The following UNC5A variants were observed in gnomAD, a reference collection of about 807,000 sequenced individuals.
UNC5A encodes unc-5 netrin receptor A.
A neutral mutation model predicts 87.4 loss-of-function variants in UNC5A; 20 were observed. The ratio of observed to expected loss-of-function variants is 0.23; its 90% CI spans 0.16 to 0.33. UNC5A has a LOEUF of 0.33. UNC5A is among the 10% of genes least tolerant of loss of function. UNC5A has a pLI of 1.00. For synonymous variants in UNC5A, 438 were observed against 482.3 expected (o/e 0.91, Z 1.20); for missense variants, 844 against 1,133.4 (o/e 0.74, Z 3.67).
chr5:176,827,915 G>A (rs1238529694), intron 1 of UNC5A, among the ~76,000 whole-genome samples: 2 of 147,996 alleles, frequency 1.4e-5, no homozygotes, highest in East Asian at 2.0e-4. Context: ...TGTAGGTCTC[G>A]TGGTTCAAGA....
At position 176,866,114 on chromosome 5, in the gene UNC5A, G is replaced by A. The variant is rs773233962; in HGVS notation, c.293-2016G>A. On this transcript the variant is annotated intron_variant, in intron 2 of 14. Transcript: ENST00000329542. The surrounding 1 kb of genome is among the most constrained non-coding windows in gnomAD (Gnocchi z 5.0). ...CACACACACCCGCCCAGGCCCACTG[G>A]CCCGGGGTCCCTCCCCAGGGCTGGC... is the stretch of plus-strand genomic sequence containing the variant. Among the ~76,000 whole-genome samples, 2 of 152,182 alleles carry A rather than the reference G, an allele frequency of 1.3e-5. No individual in the cohort carries two copies. Among genetic ancestry groups the A allele is most frequent in the African/African-American group, 4.8e-5 (2 of 41,440 alleles).
chr5:176,830,651 T>G (rs11738305), intron 1 of UNC5A, among the ~76,000 whole-genome samples: 1 of 120,574 alleles, frequency 8.3e-6, no homozygotes, highest in African/African-American at 3.6e-5. Flanking sequence ...CGTGTGCATT[T>G]GTGTGTGTGT....
At chr5:176,816,577 G>A (rs1756593435) in intron 1 of UNC5A, among the ~76,000 whole-genome samples, 1 of 152,282 alleles carries the variant, frequency 6.6e-6, no homozygotes, top group South Asian at 2.1e-4. Context: ...GGCCAGGCAG[G>A]TGCCTAGGCA....
intron 1 of UNC5A, among the ~76,000 whole-genome samples, chr5:176,814,112 C>A (rs73340025): frequency 1.3e-5 from 2 of 152,154 alleles, no homozygotes; most frequent in African/African-American, 4.8e-5. Context: ...TTGTCTTCCT[C>A]CACTCCTTTC....
rs192153834 is a variant in UNC5A at position 176,833,749 on chromosome 5, G to A, written c.70+22929G>A. 6.9e-4 allele frequency among the ~76,000 whole-genome samples: 98 copies of A among 142,560 alleles called. 1 individual carries two copies. The highest frequency in any genetic ancestry group is 3.9e-3 in the Middle Eastern group (1 of 254). 93.5% of individuals were successfully genotyped at this position (142,560 alleles called of 152,430 possible). A position where few individuals can be genotyped will look rare whatever the true frequency, so the allele number is the denominator to read the frequency against. Reference sequence around the variant, plus strand: ...TTTTGAGACGGAGTCTTGCTCTGTCGCCAGGCTGGAGTGCAGTGGTGCGGT... The same window carrying A: ...TTTTGAGACGGAGTCTTGCTCTGTCACCAGGCTGGAGTGCAGTGGTGCGGT... On this transcript the variant is annotated intron_variant, in intron 1 of 14. Coordinates refer to ENST00000329542, the MANE Select transcript of UNC5A (RefSeq NM_133369.3).
At chr5:176,877,839 C>T in intron 10 of UNC5A, 55 bp from the exon 11 acceptor site, 2 of 1,540,330 alleles carry the variant, frequency 1.3e-6, no homozygotes, top group East Asian at 4.7e-5. Flanking sequence ...GAAGCCACAG[C>T]TGGCCCTAGG....
chr5:176,876,177 G>C (rs1758258142), intron 8 of UNC5A, among the ~76,000 whole-genome samples: 1 of 152,230 alleles, frequency 6.6e-6, no homozygotes, highest in Non-Finnish European at 1.5e-5. Context: ...GGATGTAAGT[G>C]CGTGTACCTT....
At chr5:176,863,354 G>C (rs1757889384) in intron 2 of UNC5A, among the ~76,000 whole-genome samples, 1 of 152,204 alleles carries the variant, frequency 6.6e-6, no homozygotes, top group African/African-American at 2.4e-5. Flanking sequence ...CAGCAGTGAG[G>C]GTGAGGGTGT....
intron 1 of UNC5A, among the ~76,000 whole-genome samples, chr5:176,861,814 C>T (rs570362819): frequency 7.1e-5 from 2 of 28,128 alleles, no homozygotes; most frequent in South Asian, 1.8e-3. Flanking sequence ...GGGATCACTG[C>T]AGCCCCAGGG....
At position 176,868,565 on chromosome 5, in the gene UNC5A, G is replaced by A. The variant is rs1275303326; in HGVS notation, c.441G>A (p.Leu147=). 1.2e-6 allele frequency: 2 copies of A among 1,600,446 alleles called. No homozygotes were observed. The highest frequency in any genetic ancestry group is 3.5e-5 in the Admixed American group (2 of 57,562). ...SQKAYIRIAY[L]RKNFEQEPLA... ...ACACTCTCATTCCTCTTCTAGATTTGCGCAAGAACTTCGAGCAGGAGCCGC... is the reference window on the plus strand; with the variant it reads ...ACACTCTCATTCCTCTTCTAGATTTACGCAAGAACTTCGAGCAGGAGCCGC... Residue 147 remains leucine (L), a synonymous_variant, in exon 4 of 15, where the codon TTG becomes TTA. Transcript: ENST00000329542.
At chr5:176,833,716 T>TC (rs928440832) in intron 1 of UNC5A, among the ~76,000 whole-genome samples, 1 of 150,370 alleles carries the variant, frequency 6.7e-6, no homozygotes, top group African/African-American at 2.4e-5. Context: ...TTTCTTTCTT[T>TC]TTTTTTTTTT....
chr5:176,827,428 C>G (rs1430896569), intron 1 of UNC5A, among the ~76,000 whole-genome samples: 1 of 152,046 alleles, frequency 6.6e-6, no homozygotes, highest in Non-Finnish European at 1.5e-5. Flanking sequence ...AATAATCCAC[C>G]CACCTCGGCC....
At chr5:176,879,518 C>T (rs769635906) in intron 14 of UNC5A, 30 bp downstream of exon 14, 12 of 1,582,726 alleles carry the variant, frequency 7.6e-6, no homozygotes, top group Admixed American at 7.1e-5. Context: ...AGAGGGCCTG[C>T]GCAGGCCACC....
rs1451491336 is a variant in UNC5A, at chr5:176,872,989, C to CTCACCCAACACCACAGCTTCCCAT, written c.887-979_887-978insTCACCCAACACCACAGCTTCCCAT. Among the ~76,000 whole-genome samples, 2 of 19,294 alleles carry CTCACCCAACACCACAGCTTCCCAT rather than the reference C, an allele frequency of 1.0e-4. 1 individual carries two copies. Among genetic ancestry groups the CTCACCCAACACCACAGCTTCCCAT allele is most frequent in the African/African-American group, 2.4e-4 (2 of 8,194 alleles). 12.7% of individuals were successfully genotyped at this position (19,294 alleles called of 152,430 possible). ...CACCACAGCTTCCCATCTGCCCACA[C>CTCACCCAACACCACAGCTTCCCAT]CTGCCCCAACACCACAGTTTCCCAT... On this transcript the variant is annotated intron_variant, in intron 6 of 14. Transcript: ENST00000329542.
chr5:176,819,192 C>T (rs1042510097), intron 1 of UNC5A, among the ~76,000 whole-genome samples: 1 of 152,150 alleles, frequency 6.6e-6, no homozygotes, highest in African/African-American at 2.4e-5. Flanking sequence ...TTGCCCCAAG[C>T]CTGAATCCCA....
intron 12 of UNC5A, 34 bp downstream of exon 12, chr5:176,878,427 G>A: frequency 6.2e-7 from 1 of 1,612,436 alleles, no homozygotes; most frequent in South Asian, 1.1e-5. Context: ...CGCACAAGAG[G>A]CCTGGAGCTT....
At chr5:176,876,208 C>T (rs1323163405) in intron 8 of UNC5A, among the ~76,000 whole-genome samples, 2 of 152,220 alleles carry the variant, frequency 1.3e-5, no homozygotes, top group Non-Finnish European at 2.9e-5. Context: ...AGCCTTCCTG[C>T]GAGGATGTCT....
rs989682576 is a variant in UNC5A, at chr5:176,866,464, T to C, written c.293-1666T>C. Among the ~76,000 whole-genome samples the C allele has an allele frequency of 2.6e-5, 4 of 151,962 alleles. No individual in the cohort carries two copies. Among genetic ancestry groups the C allele is most frequent in the East Asian group, 3.9e-4 (2 of 5,182 alleles). On this transcript the variant is annotated intron_variant, in intron 2 of 14. Transcript: ENST00000329542. This position sits in a 1 kb window ranked among gnomAD's most constrained non-coding sequence, Gnocchi z 5.0. ...GAGAAGAAAAGGGAGCGCTTAAAGG[T>C]AGTGCTGTTCTCCCAAGCTGAGCCG... is the stretch of plus-strand genomic sequence containing the variant.
chr5:176,812,160 C>G (rs1357790917), intron 1 of UNC5A, among the ~76,000 whole-genome samples: 1 of 152,142 alleles, frequency 6.6e-6, no homozygotes, highest in East Asian at 1.9e-4. Flanking sequence ...GGCTGAACTG[C>G]TGTTGGGTGT....
Sources: gnomAD v4.1 joint callset for allele counts (sites outside exome capture counted in the v4.1 genomes callset) on GRCh38, gnomAD v4.1.1 for gene constraint, Gnocchi (gnomAD v3.1) non-coding constraint, MANE v1.5 for transcripts, NCBI Gene and HGNC (gene_info 2026-07-23, HGNC 2026-07-21) for gene names.